Variants in ARFGEF2 observed in about 807,000 individuals in gnomAD.
ARFGEF2 encodes brefeldin A-inhibited guanine nucleotide-exchange protein 2.
A neutral mutation model predicts 219.9 loss-of-function variants in ARFGEF2; 74 were observed. The ratio of observed to expected loss-of-function variants is 0.34; its 90% CI spans 0.28 to 0.41. The LOEUF (loss-of-function observed/expected upper bound fraction) is 0.41, where lower values mean the gene tolerates loss of function less well. ARFGEF2 is among the 10% of genes least tolerant of loss of function. The pLI is 1.00. For missense variants in ARFGEF2, 1,743 were observed against 2,218.3 expected (o/e 0.79, Z 4.30); for synonymous variants, 733 against 799.2 (o/e 0.92, Z 1.40).
intron 21 of ARFGEF2, 21 bp downstream of exon 21, chr20:48,991,219 C>T: frequency 6.2e-7 from 1 of 1,614,060 alleles, no homozygotes; most frequent in African/African-American, 1.3e-5. Flanking sequence ...CTTTGAATTG[C>T]CTTTTCTCAG....
rs866725975 is a variant in ARFGEF2, at chr20:49,033,604, T to G, written c.*405T>G. The G allele has an allele frequency of 2.6e-4, 46 of 177,214 alleles. No individual in the cohort carries two copies. Among genetic ancestry groups the G allele is most frequent in the African/African-American group, 1.0e-3 (44 of 42,232 alleles). 11.0% of individuals were successfully genotyped at this position (177,214 alleles called of 1,614,324 possible). On this transcript the variant is annotated 3_prime_UTR_variant, in exon 39 of 39. Coordinates refer to ENST00000371917, the MANE Select transcript of ARFGEF2 (RefSeq NM_006420.3). ...TTATTAGAGAATATGTTAATAAAAC[T>G]TCTTGTAACGGCTAACTGCCACCTA...
chr20:49,017,411 C>T (rs372329474), intron 32 of ARFGEF2, 24 bp downstream of exon 32: 219 of 1,613,742 alleles, frequency 1.4e-4, no homozygotes, highest in South Asian at 5.3e-4. Context: ...CAGTTGTTCC[C>T]GTTTATCTCT....
At chr20:48,983,900 C>T (rs2091310978) in intron 14 of ARFGEF2, among the ~76,000 whole-genome samples, 1 of 152,062 alleles carries the variant, frequency 6.6e-6, no homozygotes, top group South Asian at 2.1e-4. Context: ...CATTGGTTAG[C>T]TTTGCCTTCC....
intron 21 of ARFGEF2, among the ~76,000 whole-genome samples, chr20:48,992,265 T>C (rs2091361545): frequency 6.6e-6 from 1 of 152,252 alleles, no homozygotes; most frequent in South Asian, 2.1e-4. Context: ...TAACATTCTG[T>C]CTGAGAAATA....
Position 48,988,518 on chromosome 20 carries a change from T to C in ARFGEF2, c.2389T>C (p.Tyr797His). 6.2e-7 allele frequency: 1 copy of C among 1,613,402 alleles called. No individual in the cohort carries two copies. The highest frequency in any genetic ancestry group is 1.1e-5 in the South Asian group (1 of 91,006). The change falls in exon 18 of 39, where the codon TAT (tyrosine) becomes CAT (histidine). Residue 797 changes from tyrosine to histidine, a missense_variant. Around this residue, in one of 5 missense-constraint regions of ARFGEF2, gnomAD observed 666 missense variants for 955.4 expected, o/e 0.70. Transcript: ENST00000371917. Reference protein sequence around the residue: ...QVKNKMTKEQYIKMNRGINDS... With the variant: ...QVKNKMTKEQHIKMNRGINDS... ...AAAAAATAAAATGACGAAAGAGCAG[T>C]ATATTAAAATGAATCGGGGTATCAA...
intron 1 of ARFGEF2, among the ~76,000 whole-genome samples, chr20:48,929,925 T>G (rs1251422477): frequency 2.6e-5 from 4 of 152,186 alleles, no homozygotes; most frequent in Non-Finnish European, 5.9e-5. Flanking sequence ...GAGATGACAC[T>G]GAAGAGTTTT....
intron 26 of ARFGEF2, among the ~76,000 whole-genome samples, chr20:49,008,226 T>C (rs1470228901): frequency 6.6e-6 from 1 of 152,220 alleles, no homozygotes; most frequent in East Asian, 1.9e-4. Context: ...AAGTAAATGT[T>C]GGTACCGGTA....
At chr20:48,952,036 A>G (rs1235307157) in intron 4 of ARFGEF2, among the ~76,000 whole-genome samples, 1 of 149,324 alleles carries the variant, frequency 6.7e-6, no homozygotes, top group Admixed American at 6.7e-5. Flanking sequence ...CGAAACGTAT[A>G]TTTTCTGATT....
intron 3 of ARFGEF2, among the ~76,000 whole-genome samples, chr20:48,950,751 G>A (rs1387804876): frequency 1.5e-5 from 2 of 131,736 alleles, no homozygotes; most frequent in Admixed American, 8.8e-5. Context: ...AGCCATGACC[G>A]TACCACTTCA....
rs762961254 is a variant in ARFGEF2, at chr20:48,954,769, TG to T, written c.838+980del. The stretch of plus-strand genomic sequence containing the variant: ...AAAAAATTGCCACCAAGAATGGTGT[TG>T]TGTCTCAGGGTGAGCACGGAGTTGC... On this transcript the variant is annotated intron_variant, in intron 6 of 38. Transcript: ENST00000371917. 9.9e-5 allele frequency among the ~76,000 whole-genome samples: 15 copies of T among 152,228 alleles called. 1 individual carries two copies. The highest frequency in any genetic ancestry group is 8.3e-4 in the South Asian group (4 of 4,806).
intron 37 of ARFGEF2, among the ~76,000 whole-genome samples, 194 bp downstream of exon 37, chr20:49,028,862 T>G (rs1412058260): frequency 6.6e-6 from 1 of 152,194 alleles, no homozygotes; most frequent in African/African-American, 2.4e-5. Flanking sequence ...TCTGTTTCAC[T>G]GTTAAGCCCT....
chr20:48,975,420 T>C (rs537158753), intron 13 of ARFGEF2, among the ~76,000 whole-genome samples: 1 of 152,336 alleles, frequency 6.6e-6, no homozygotes, highest in African/African-American at 2.4e-5. Flanking sequence ...GTTTTTGGTA[T>C]CTTGTAGGGC....
intron 3 of ARFGEF2, among the ~76,000 whole-genome samples, chr20:48,948,112 A>G (rs2091039968): frequency 1.3e-5 from 2 of 152,220 alleles, no homozygotes; most frequent in Non-Finnish European, 2.9e-5. Context: ...GTTGTACATG[A>G]CTACAGTCTC....
chr20:48,945,389 GC>G, intron 3 of ARFGEF2, among the ~76,000 whole-genome samples: 1 of 152,302 alleles, frequency 6.6e-6, no homozygotes, highest in South Asian at 2.1e-4. Flanking sequence ...AAAGGTTGCT[GC>G]TCTTAACTGG....
intron 34 of ARFGEF2, among the ~76,000 whole-genome samples, chr20:49,022,578 C>A (rs1437882014): frequency 6.6e-6 from 1 of 152,196 alleles, no homozygotes; most frequent in Non-Finnish European, 1.5e-5. Flanking sequence ...GGACACAGAA[C>A]CTGCATAGCT....
At chr20:49,005,286 A>G in intron 26 of ARFGEF2, 65 bp downstream of exon 26, 4 of 1,587,674 alleles carry the variant, frequency 2.5e-6, no homozygotes, top group Non-Finnish European at 3.4e-6. Context: ...AAGCCCTCCT[A>G]ACACTAACCA....
At position 48,998,457 on chromosome 20, in the gene ARFGEF2, A is replaced by G; in HGVS notation, c.3384A>G (p.Arg1128=). 1 of 1,613,936 alleles carries G rather than the reference A, an allele frequency of 6.2e-7. No individual in the cohort carries two copies. Among genetic ancestry groups the G allele is most frequent in the Non-Finnish European group, 8.5e-7 (1 of 1,179,990 alleles). The change falls in exon 25 of 39, where the codon CGA becomes CGG. Residue 1128 remains arginine, a synonymous_variant. Coordinates refer to ENST00000371917, the MANE Select transcript of ARFGEF2 (RefSeq NM_006420.3). ...CATACTACAACATGAATCGGATCCG[A>G]CTACAGTGGTCTCGAATATGGCATG... is the stretch of plus-strand genomic sequence containing the variant. ...EISYYNMNRI[R]LQWSRIWHVI...
At chr20:48,936,821 C>T (rs1173938482) in intron 1 of ARFGEF2, among the ~76,000 whole-genome samples, 1 of 152,188 alleles carries the variant, frequency 6.6e-6, no homozygotes, top group Non-Finnish European at 1.5e-5. Flanking sequence ...GCCACCACAT[C>T]GGGCCTTGAT....
chr20:48,980,807 A>C (rs200719039), intron 14 of ARFGEF2, among the ~76,000 whole-genome samples: 8 of 151,980 alleles, frequency 5.3e-5, no homozygotes, highest in Non-Finnish European at 1.0e-4. Flanking sequence ...ATTGCAACCC[A>C]TGCTTTTTTT....
Sources: allele counts gnomAD v4.1 joint callset (sites outside exome capture counted in the v4.1 genomes callset), GRCh38; gene constraint gnomAD v4.1.1; regional missense constraint gnomAD v4.1.1; transcripts MANE v1.5; gene names NCBI Gene and HGNC (gene_info 2026-07-23, HGNC 2026-07-21).